The following ARHGAP15 variants were observed in gnomAD, a reference collection of about 807,000 sequenced individuals.
ARHGAP15 encodes rho GTPase-activating protein 15.
Under a neutral mutation model 63.7 loss-of-function variants are expected in ARHGAP15, and 51 were observed. The ratio of observed to expected loss-of-function variants is 0.80; its 90% CI spans 0.64 to 1.01. The LOEUF is 1.01. ARHGAP15 is among the 50% of genes least tolerant of loss of function. The probability of loss-of-function intolerance (pLI) is 0.00; values close to 1 mark genes in which losing one functional copy is unlikely to be tolerated. For synonymous variants in ARHGAP15, 191 were observed against 193.8 expected (o/e 0.99, Z 0.12); for missense variants, 560 against 564.6 (o/e 0.99, Z 0.08).
chr2:143,435,546 A>G (rs1288800271), intron 6 of ARHGAP15, 55 bp from the exon 7 acceptor site: 53 of 1,490,764 alleles, frequency 3.6e-5, no homozygotes, highest in South Asian at 5.3e-5. Flanking sequence ...TAAGAGATCT[A>G]TCTTACATAG....
chr2:143,162,495 ACT>A (rs1470083365), intron 2 of ARHGAP15: 2 of 151,858 alleles, frequency 1.3e-5, no homozygotes, highest in African/African-American at 4.8e-5. Flanking sequence ...GCATGGAAAG[ACT>A]CTGAAATACG....
At chr2:143,132,716 T>G (rs1688959663) in intron 1 of ARHGAP15, among the ~76,000 whole-genome samples, 1 of 152,128 alleles carries the variant, frequency 6.6e-6, no homozygotes, top group Admixed American at 6.5e-5. Flanking sequence ...TAAAATGCTT[T>G]CCCCAGAAGA....
intron 4 of ARHGAP15, among the ~76,000 whole-genome samples, chr2:143,226,882 C>A (rs895450776): frequency 3.3e-5 from 5 of 152,144 alleles, no homozygotes; most frequent in Admixed American, 3.3e-4. Flanking sequence ...TAAATATTAA[C>A]CTTACTGAAT....
intron 11 of ARHGAP15, among the ~76,000 whole-genome samples, chr2:143,622,783 A>C (rs1468181331): frequency 0.029 from 291 of 9,976 alleles, 3 homozygotes; most frequent in Admixed American, 0.047. Context: ...CATTTATTTA[A>C]AAAAAAAAAA....
In ARHGAP15 at chr2:143,221,711, G is replaced by C. The variant is rs77921496; in HGVS notation, c.296+5266G>C. On this transcript the variant is annotated intron_variant, in intron 4 of 13. Transcript: ENST00000295095. ...CGGCATCTAGGTCTTCCCGTCATCA[G>C]CTCCTGTGTGGCTCTGCGTATCTTA... Among the ~76,000 whole-genome samples, 1,326 of 152,272 alleles carry C rather than the reference G, an allele frequency of 8.7e-3. 26 individuals are homozygous for C. The highest frequency in any genetic ancestry group is 0.03 in the African/African-American group (1,258 of 41,560).
chr2:143,356,700 G>A (rs530573837), intron 6 of ARHGAP15, among the ~76,000 whole-genome samples: 82 of 152,156 alleles, frequency 5.4e-4, no homozygotes, highest in South Asian at 2.1e-3. Flanking sequence ...TATGTGGCTC[G>A]TTGAAATTAC....
chr2:143,511,458 T>A (rs1176511206), intron 9 of ARHGAP15, among the ~76,000 whole-genome samples: 1 of 152,218 alleles, frequency 6.6e-6, no homozygotes, highest in African/African-American at 2.4e-5. Flanking sequence ...GCTTTCTAAA[T>A]AATATGCATA....
chr2:143,508,237 C>A (rs1313258228), intron 9 of ARHGAP15, among the ~76,000 whole-genome samples: 2 of 152,166 alleles, frequency 1.3e-5, no homozygotes, highest in African/African-American at 4.8e-5. Flanking sequence ...TGGCTTACAC[C>A]AGCAGCTTTA....
chr2:143,626,424 C>T (rs1392010870), intron 12 of ARHGAP15, among the ~76,000 whole-genome samples: 1 of 152,096 alleles, frequency 6.6e-6, no homozygotes, highest in African/African-American at 2.4e-5. Flanking sequence ...TTGCTGACTT[C>T]AAGAATGGAG....
intron 2 of ARHGAP15, among the ~76,000 whole-genome samples, chr2:143,200,773 A>G (rs1351629841): frequency 6.6e-6 from 1 of 152,128 alleles, no homozygotes; most frequent in Non-Finnish European, 1.5e-5. Context: ...TTCTAAAAGT[A>G]CATAAGAAAG....
intron 1 of ARHGAP15, among the ~76,000 whole-genome samples, chr2:143,139,134 T>C (rs1283516359): frequency 6.6e-6 from 1 of 152,144 alleles, no homozygotes; most frequent in East Asian, 1.9e-4. Flanking sequence ...TAATTGTCAC[T>C]TGATACTTCC....
intron 3 of ARHGAP15, among the ~76,000 whole-genome samples, chr2:143,211,096 T>A (rs1261632063): frequency 6.6e-6 from 1 of 152,156 alleles, no homozygotes; most frequent in African/African-American, 2.4e-5. Flanking sequence ...TTTTCTGTTT[T>A]TGATTCTGTT....
chr2:143,364,593 T>TG (rs1686213481), intron 6 of ARHGAP15, among the ~76,000 whole-genome samples: 1 of 152,170 alleles, frequency 6.6e-6, no homozygotes, highest in Admixed American at 6.5e-5. Flanking sequence ...TATGCCCCAA[T>TG]GAAGAATCAG....
intron 2 of ARHGAP15, among the ~76,000 whole-genome samples, chr2:143,166,261 C>G (rs189994539): frequency 2.0e-5 from 3 of 152,180 alleles, no homozygotes; most frequent in Admixed American, 6.6e-5. Context: ...AAATTTTACT[C>G]TAGTGGTGTG....
intron 11 of ARHGAP15, among the ~76,000 whole-genome samples, chr2:143,613,188 ACCAT>A (rs1392837216): frequency 1.3e-5 from 2 of 152,186 alleles, no homozygotes; most frequent in African/African-American, 2.4e-5. Flanking sequence ...CAATAAACAA[ACCAT>A]CCATTTCTTT....
chr2:143,467,109 T>C (rs543347782), intron 8 of ARHGAP15, among the ~76,000 whole-genome samples: 3 of 152,172 alleles, frequency 2.0e-5, no homozygotes, highest in African/African-American at 7.2e-5. Flanking sequence ...CTTGCTATAC[T>C]CTTAAGCATA....
chr2:143,424,216 A>C (rs1278180283), intron 6 of ARHGAP15, among the ~76,000 whole-genome samples: 1 of 152,114 alleles, frequency 6.6e-6, no homozygotes, highest in East Asian at 1.9e-4. Context: ...AAGATCTCCA[A>C]GGACAAAGTT....
intron 6 of ARHGAP15, among the ~76,000 whole-genome samples, chr2:143,384,937 A>G (rs1416214273): frequency 6.6e-6 from 1 of 152,188 alleles, no homozygotes; most frequent in African/African-American, 2.4e-5. Flanking sequence ...TGGAACACTG[A>G]ATAAGACATT....
At chr2:143,190,928 G>A (rs1446037241) in intron 2 of ARHGAP15, among the ~76,000 whole-genome samples, 1 of 152,104 alleles carries the variant, frequency 6.6e-6, no homozygotes, top group Non-Finnish European at 1.5e-5. Flanking sequence ...GCGTCACCAT[G>A]CCCAGCTGAT....
Sources: gnomAD v4.1 joint callset for allele counts (sites outside exome capture counted in the v4.1 genomes callset) on GRCh38, gnomAD v4.1.1 for gene constraint, MANE v1.5 for transcripts, NCBI Gene and HGNC (gene_info 2026-07-23, HGNC 2026-07-21) for gene names.